The following MCC variants were observed in gnomAD, a reference collection of about 807,000 sequenced individuals.
The protein encoded by MCC is MCC regulator of Wnt signaling pathway, also known as colorectal mutant cancer protein.
MCC carries 90 observed loss-of-function variants against 116.2 expected under a neutral mutation model. The observed-to-expected ratio is 0.77, with a 90% CI of 0.65 to 0.92. The LOEUF (loss-of-function observed/expected upper bound fraction) is 0.92, where lower values mean the gene tolerates loss of function less well. Ranked by LOEUF, MCC falls within the 40% of genes least tolerant of loss-of-function variation. MCC has a pLI of 0.00. For missense variants in MCC, 1,516 were observed against 1,312.2 expected, an observed-to-expected ratio of 1.16 and a Z score of -2.40; for synonymous variants, 578 against 510.5, an observed-to-expected ratio of 1.13 and a Z score of -1.78.
chr5:113,276,110 G>C (rs1157120973), intron 3 of MCC, among the ~76,000 whole-genome samples: 2 of 152,114 alleles, frequency 1.3e-5, no homozygotes, highest in East Asian at 3.9e-4. Context: ...TAACCAGTGT[G>C]GGAACAGCAC....
chr5:113,143,473 A>T, intron 4 of MCC, 113 bp from the exon 5 acceptor site: 1 of 1,111,682 alleles, frequency 9.0e-7, no homozygotes, highest in Non-Finnish European at 1.3e-6. Flanking sequence ...AGTATGCCCC[A>T]AATAAAATGT....
At chr5:113,366,572 T>C (rs1045359085) in intron 2 of MCC, among the ~76,000 whole-genome samples, 6 of 152,172 alleles carry the variant, frequency 3.9e-5, no homozygotes, top group African/African-American at 1.4e-4. Flanking sequence ...CGATTTGTCT[T>C]ATTTGATTTC....
intron 11 of MCC, among the ~76,000 whole-genome samples, 173 bp downstream of exon 11, chr5:113,082,687 G>C (rs988076443): frequency 6.6e-6 from 1 of 152,198 alleles, no homozygotes; most frequent in Non-Finnish European, 1.5e-5. Flanking sequence ...AGCTCAGACT[G>C]CTGTGAGCAC....
intron 1 of MCC, among the ~76,000 whole-genome samples, chr5:113,456,794 T>A (rs1233660012): frequency 6.6e-6 from 1 of 151,484 alleles, no homozygotes; most frequent in African/African-American, 2.4e-5. Context: ...TTTTTTTTTT[T>A]AATTATACTT....
chr5:113,261,467 T>C (rs893130515), intron 3 of MCC, among the ~76,000 whole-genome samples: 7 of 152,154 alleles, frequency 4.6e-5, no homozygotes, highest in African/African-American at 7.2e-5. Flanking sequence ...TTTGCCCACC[T>C]TTTCCTGAAC....
chr5:113,299,409 A>T (rs1766799508), intron 3 of MCC, among the ~76,000 whole-genome samples: 1 of 150,032 alleles, frequency 6.7e-6, no homozygotes, highest in African/African-American at 2.4e-5. Context: ...AATTCCATGA[A>T]ATGATTTTTG....
At chr5:113,214,776 C>T (rs1314004292) in intron 3 of MCC, among the ~76,000 whole-genome samples, 2 of 152,202 alleles carry the variant, frequency 1.3e-5, no homozygotes, top group African/African-American at 4.8e-5. Flanking sequence ...CCTTCTAAAG[C>T]TCAAGTTTCA....
chr5:113,377,715 A>C (rs1373983587), intron 2 of MCC, among the ~76,000 whole-genome samples: 2 of 152,204 alleles, frequency 1.3e-5, no homozygotes, highest in African/African-American at 2.4e-5. Flanking sequence ...TGCTAATCAA[A>C]GACTTGGCTA....
intron 2 of MCC, among the ~76,000 whole-genome samples, chr5:113,361,530 C>T (rs559010051): frequency 6.6e-6 from 1 of 152,246 alleles, no homozygotes; most frequent in East Asian, 1.9e-4. Flanking sequence ...TTCATAATTT[C>T]ATCTTTGAGC....
At chr5:113,437,838 T>C (rs1041468254) in intron 1 of MCC, among the ~76,000 whole-genome samples, 1 of 152,100 alleles carries the variant, frequency 6.6e-6, no homozygotes, top group Non-Finnish European at 1.5e-5. Flanking sequence ...TGCTCTTGGG[T>C]AGAGTGAATA....
intron 17 of MCC, among the ~76,000 whole-genome samples, chr5:113,041,512 C>A (rs995747804): frequency 2.0e-5 from 3 of 152,144 alleles, no homozygotes; most frequent in African/African-American, 7.2e-5. Context: ...GTGCTCCAAC[C>A]AGAGGTGTTG....
rs577873666 is a variant in MCC, at chr5:113,306,471, T to C, written c.627+34048A>G. On this transcript the variant is annotated intron_variant, in intron 3 of 18. Coordinates refer to ENST00000408903, the MANE Select transcript of MCC (RefSeq NM_001085377.2). The stretch of plus-strand genomic sequence containing the variant: ...GCTTTGATTTGCATTACCCTAAAGA[T>C]TGATAATGTTGAACATCTTTTCATG... Among the ~76,000 whole-genome samples the C allele has an allele frequency of 2.0e-5, 3 of 152,332 alleles. No homozygotes were observed. In the East Asian group the frequency reaches 5.8e-4, roughly 29 times the overall value.
chr5:113,184,468 C>T (rs3900919), intron 3 of MCC, among the ~76,000 whole-genome samples: 13,235 of 139,624 alleles, frequency 0.095, 767 homozygotes, highest in Non-Finnish European at 0.11. Context: ...TAGTTTCTTT[C>T]TTCGTTTTTT....
chr5:113,449,947 T>G (rs867750828), intron 1 of MCC, among the ~76,000 whole-genome samples: 1 of 152,252 alleles, frequency 6.6e-6, no homozygotes, highest in East Asian at 1.9e-4. Context: ...TTTTCCATTT[T>G]AAAATGTTTA....
chr5:113,457,338 C>T (rs993956727), intron 1 of MCC, among the ~76,000 whole-genome samples: 8 of 152,242 alleles, frequency 5.3e-5, no homozygotes, highest in African/African-American at 1.4e-4. Context: ...GCCAGCCCAC[C>T]GTTGCTGCTC....
chr5:113,368,814 G>A (rs1471195592), intron 2 of MCC, among the ~76,000 whole-genome samples: 1 of 152,062 alleles, frequency 6.6e-6, no homozygotes, highest in Non-Finnish European at 1.5e-5. Context: ...CAGGCTGAGG[G>A]TTCAGTCCCT....
In MCC at chr5:113,262,910, G is replaced by C. The variant is rs1581335514; in HGVS notation, c.627+77609C>G. On this transcript the variant is annotated intron_variant, in intron 3 of 18. Coordinates refer to ENST00000408903, the MANE Select transcript of MCC (RefSeq NM_001085377.2). Reference sequence around the variant, plus strand: ...CTCTAACCACATTAGCCTCAGCAATGTGGAGGTTTCAACGTGTTGAAAAGA... The same window carrying C: ...CTCTAACCACATTAGCCTCAGCAATCTGGAGGTTTCAACGTGTTGAAAAGA... Among the ~76,000 whole-genome samples the C allele has an allele frequency of 3.3e-5, 5 of 152,216 alleles. No homozygotes were observed. The South Asian group carries it at 1.0e-3, about 32-fold the overall frequency.
chr5:113,197,547 G>C (rs1273764574), intron 3 of MCC, among the ~76,000 whole-genome samples: 2 of 152,184 alleles, frequency 1.3e-5, no homozygotes, highest in Non-Finnish European at 2.9e-5. Flanking sequence ...AAGCTCCCTA[G>C]CACACAGGAA....
chr5:113,376,511 G>T (rs2222144), intron 2 of MCC, among the ~76,000 whole-genome samples: 66,979 of 151,406 alleles, frequency 0.44, 16,252 homozygotes, highest in African/African-American at 0.64. Context: ...TACCAATTCA[G>T]TTAGAAACTT....
Sources: allele counts gnomAD v4.1 joint callset (sites outside exome capture counted in the v4.1 genomes callset), GRCh38; gene constraint gnomAD v4.1.1; transcripts MANE v1.5; gene names NCBI Gene and HGNC (gene_info 2026-07-23, HGNC 2026-07-21).